The following ADGRL4 variants were observed in gnomAD, a reference collection of about 807,000 sequenced individuals.
ADGRL4 encodes the protein adhesion G protein-coupled receptor L4.
In ADGRL4, 90 loss-of-function variants were observed where a neutral mutation model predicts 74.8. That is an observed-to-expected ratio of 1.20 (90% CI 1.02 to 1.43). The LOEUF is 1.43. ADGRL4 is among the 40% of genes most tolerant of loss of function. The pLI is 0.00. For missense variants in ADGRL4, 881 were observed against 814.3 expected (o/e 1.08, Z -1.00); for synonymous variants, 311 against 279.2 (o/e 1.11, Z -1.14).
chr1:78,922,626 A>G (rs1649023215), intron 8 of ADGRL4, among the ~76,000 whole-genome samples: 1 of 152,020 alleles, frequency 6.6e-6, no homozygotes, highest in Non-Finnish European at 1.5e-5. Context: ...AATAAAAACT[A>G]TTTAGTTATA....
rs1470314807 is a variant in ADGRL4, at chr1:78,920,358, C to T, written c.1286G>A (p.Arg429Lys). ...AATAATTATTCCTAGTTGAGTGATC[C>T]TTGTAAGAATATTATAATCTTTAAT... ...IGIKDYNILT[R>K]ITQLGIIISL... Residue 429 changes from arginine to lysine, a missense_variant, in exon 10 of 15, where the codon AGG (arginine) becomes AAG (lysine). Arg to Lys is a conservative substitution (Grantham distance 26, BLOSUM62 2). Coordinates refer to ENST00000370742, the MANE Select transcript of ADGRL4 (RefSeq NM_022159.4). 5 of 1,598,768 alleles carry T rather than the reference C, an allele frequency of 3.1e-6. No homozygotes were observed. Among genetic ancestry groups the T allele is most frequent in the Middle Eastern group, 1.7e-4 (1 of 5,964 alleles).
At chr1:78,987,838 G>A (rs557830755) in intron 2 of ADGRL4, among the ~76,000 whole-genome samples, 2 of 151,750 alleles carry the variant, frequency 1.3e-5, no homozygotes, top group East Asian at 3.9e-4. Flanking sequence ...GAAATAGTAT[G>A]AGACATAAAT....
At chr1:78,956,336 G>T (rs74610266) in intron 2 of ADGRL4, among the ~76,000 whole-genome samples, 1,772 of 152,180 alleles carry the variant, frequency 0.012, 32 homozygotes, top group African/African-American at 0.04. Context: ...GCCTACATTG[G>T]TTATGTCAAC....
At chr1:78,915,628 G>A (rs1648854652) in intron 12 of ADGRL4, among the ~76,000 whole-genome samples, 1 of 151,870 alleles carries the variant, frequency 6.6e-6, no homozygotes, top group Non-Finnish European at 1.5e-5. Context: ...CGGGGCTATA[G>A]CTGGTGTTTC....
In ADGRL4 at chr1:78,891,170, A is replaced by G; in HGVS notation, c.2057T>C (p.Phe686Ser). 1 of 1,611,606 alleles carries G rather than the reference A, an allele frequency of 6.2e-7. No individual in the cohort carries two copies. The highest frequency in any genetic ancestry group is 8.5e-7 in the Non-Finnish European group (1 of 1,178,524). The part of the protein sequence containing the change: ...YRLFKNVPCC[F>S]GCLR ...TCTCTATGTTTACCTTAAACATCCAAAACAACAGGGGACATTTTTGAACAA... is the reference window on the plus strand; with the variant it reads ...TCTCTATGTTTACCTTAAACATCCAGAACAACAGGGGACATTTTTGAACAA... Residue 686 changes from phenylalanine to serine, a missense_variant, in exon 15 of 15, where the codon TTT becomes TCT. By Grantham distance (155) the Phe-to-Ser change is radical (BLOSUM62 -2). Coordinates refer to ENST00000370742, the MANE Select transcript of ADGRL4 (RefSeq NM_022159.4).
At chr1:78,911,746 G>A (rs535321917) in intron 12 of ADGRL4, among the ~76,000 whole-genome samples, 57 of 151,784 alleles carry the variant, frequency 3.8e-4, no homozygotes, top group Admixed American at 4.6e-4. Flanking sequence ...GTAGGTATAG[G>A]AATGCCATAA....
At chr1:79,002,509 C>T (rs1251701447) in intron 2 of ADGRL4, among the ~76,000 whole-genome samples, 2 of 152,016 alleles carry the variant, frequency 1.3e-5, no homozygotes, top group African/African-American at 4.8e-5. Flanking sequence ...ATGTTAAGGG[C>T]CTAGACTTTA....
At chr1:78,976,279 A>G (rs1267216425) in intron 2 of ADGRL4, among the ~76,000 whole-genome samples, 1 of 152,048 alleles carries the variant, frequency 6.6e-6, no homozygotes, top group Non-Finnish European at 1.5e-5. Flanking sequence ...ATCTGAAAGC[A>G]TAATAGTGAG....
At chr1:78,997,992 T>G (rs1650752980) in intron 2 of ADGRL4, among the ~76,000 whole-genome samples, 1 of 152,186 alleles carries the variant, frequency 6.6e-6, no homozygotes, top group Admixed American at 6.5e-5. Context: ...GAGTATTTTC[T>G]TGACTTTATC....
chr1:78,897,238 ACTAGTT>A (rs1648417423), intron 12 of ADGRL4, among the ~76,000 whole-genome samples: 1 of 152,114 alleles, frequency 6.6e-6, no homozygotes, highest in Admixed American at 6.6e-5. Flanking sequence ...CCCCTTCACT[ACTAGTT>A]AAGCCTTGAC....
At chr1:79,004,964 T>C in intron 2 of ADGRL4, 106 bp downstream of exon 2, 1 of 998,220 alleles carries the variant, frequency 1.0e-6, no homozygotes. Context: ...AGTATGAAAT[T>C]AAACAGTATA....
Position 78,927,079 on chromosome 1 carries a change from A to G in ADGRL4, c.890T>C (p.Val297Ala), listed in dbSNP as rs1399150869. The G allele has an allele frequency of 1.3e-6, 2 of 1,587,442 alleles. No homozygotes were observed. The highest frequency in any genetic ancestry group is 2.2e-5 in the South Asian group (2 of 90,010). The change falls in exon 8 of 15, where the codon GTT (valine) becomes GCT (alanine). Residue 297 changes from valine (V) to alanine (A), a missense_variant. Val to Ala is a moderately conservative substitution (Grantham distance 64, BLOSUM62 0). Transcript: ENST00000370742. ...AAYDSNGNVA[V>A]AFVYYKSIGP... ...AATACTCTTATAATATACAAATGCA[A>G]CTGCAACATTGCCTATCAATCAAAT...
At chr1:79,004,551 G>A (rs1177252473) in intron 2 of ADGRL4, among the ~76,000 whole-genome samples, 1 of 152,110 alleles carries the variant, frequency 6.6e-6, no homozygotes, top group African/African-American at 2.4e-5. Flanking sequence ...TTCAAAAGAT[G>A]ACGTCTTTTC....
At chr1:79,006,395 G>C (rs1039419207) in intron 1 of ADGRL4, among the ~76,000 whole-genome samples, 1 of 152,112 alleles carries the variant, frequency 6.6e-6, no homozygotes, top group African/African-American at 2.4e-5. Flanking sequence ...AGGTGAAAGG[G>C]GATGCTGGAC....
At chr1:78,964,982 G>C (rs780711542) in intron 2 of ADGRL4, among the ~76,000 whole-genome samples, 15 of 151,296 alleles carry the variant, frequency 9.9e-5, no homozygotes, top group Non-Finnish European at 1.2e-4. Flanking sequence ...ATGTTCTGTA[G>C]AATTGTTTTT....
chr1:78,910,961 A>G (rs1404746906), intron 12 of ADGRL4, among the ~76,000 whole-genome samples: 1 of 151,850 alleles, frequency 6.6e-6, no homozygotes, highest in African/African-American at 2.4e-5. Flanking sequence ...TTACTGTTCA[A>G]ATACCTAAGT....
intron 12 of ADGRL4, among the ~76,000 whole-genome samples, chr1:78,912,246 T>TAAAATTTGA (rs1436067821): frequency 6.6e-6 from 1 of 151,832 alleles, no homozygotes; most frequent in Admixed American, 6.6e-5. Flanking sequence ...AAACTAAAAA[T>TAAAATTTGA]AAAATTTGAA....
At chr1:78,933,220 A>C (rs1238777308) in intron 7 of ADGRL4, among the ~76,000 whole-genome samples, 1 of 151,306 alleles carries the variant, frequency 6.6e-6, no homozygotes, top group Non-Finnish European at 1.5e-5. Flanking sequence ...ACATCAAAAA[A>C]CATATCCACC....
At chr1:78,902,486 C>A (rs759035409) in intron 12 of ADGRL4, among the ~76,000 whole-genome samples, 11 of 151,612 alleles carry the variant, frequency 7.3e-5, no homozygotes, top group Non-Finnish European at 1.3e-4. Flanking sequence ...ATAACTTGCC[C>A]AAGGTAATAC....
Sources: allele counts gnomAD v4.1 joint callset (sites outside exome capture counted in the v4.1 genomes callset), GRCh38; gene constraint gnomAD v4.1.1; transcripts MANE v1.5; gene names NCBI Gene and HGNC (gene_info 2026-07-23, HGNC 2026-07-21).